The following TRPM3 variants were observed in gnomAD, a reference collection of about 807,000 sequenced individuals.
The protein encoded by TRPM3 is long transient receptor potential channel 3.
In TRPM3, 77 loss-of-function variants were observed where a neutral mutation model predicts 181.2. That is an observed-to-expected ratio of 0.42 (90% CI 0.35 to 0.51). The LOEUF is 0.51. Ranked by LOEUF, TRPM3 falls within the 20% of genes least tolerant of loss-of-function variation. The pLI, the probability that TRPM3 is intolerant of heterozygous loss-of-function variation, is 0.01. For synonymous variants in TRPM3, 745 were observed against 796.4 expected, an observed-to-expected ratio of 0.94 and a Z score of 1.09; for missense variants, 1,759 against 2,196.7, an observed-to-expected ratio of 0.80 and a Z score of 3.98.
At chr9:71,178,350 A>C (rs1407611913) in intron 1 of TRPM3, among the ~76,000 whole-genome samples, 2 of 151,978 alleles carry the variant, frequency 1.3e-5, no homozygotes, top group African/African-American at 4.8e-5. Context: ...ATCTGAATAG[A>C]GTAAGTAATA....
intron 11 of TRPM3, among the ~76,000 whole-genome samples, chr9:70,638,526 A>C (rs2057567083): frequency 6.6e-6 from 1 of 152,208 alleles, no homozygotes; most frequent in East Asian, 1.9e-4. Flanking sequence ...ATCCCTAGTG[A>C]GTAAATTAAC....
At chr9:71,098,645 A>G (rs1302309186) in intron 1 of TRPM3, among the ~76,000 whole-genome samples, 1 of 152,180 alleles carries the variant, frequency 6.6e-6, no homozygotes, top group Non-Finnish European at 1.5e-5. Flanking sequence ...GACCAGTTAC[A>G]TTCTTTTCAG....
At chr9:71,110,875 C>T (rs988751803) in intron 1 of TRPM3, among the ~76,000 whole-genome samples, 2 of 152,116 alleles carry the variant, frequency 1.3e-5, no homozygotes, top group African/African-American at 4.8e-5. Flanking sequence ...TCTTTGAATG[C>T]TCACATGAGC....
At chr9:70,875,624 G>C (rs2095857217) in intron 1 of TRPM3, among the ~76,000 whole-genome samples, 1 of 151,934 alleles carries the variant, frequency 6.6e-6, no homozygotes, top group South Asian at 2.1e-4. Context: ...CTGCCATAGA[G>C]AGAATTTCCA....
At chr9:71,034,544 G>T (rs2057945461) in intron 1 of TRPM3, among the ~76,000 whole-genome samples, 2 of 152,152 alleles carry the variant, frequency 1.3e-5, no homozygotes, top group South Asian at 2.1e-4. Flanking sequence ...TAGGGTGTAA[G>T]GGTGGGGTGT....
chr9:70,849,658 C>T lies in TRPM3; in HGVS notation c.463-3067G>A, dbSNP rs116979767. ...AATACAGCATATAAATGAATGGTAA[C>T]AATTAGAGTTATGGCATTCTAAAGC... On this transcript the variant is annotated intron_variant, in intron 3 of 25. Transcript: ENST00000677713. Among the ~76,000 whole-genome samples the T allele has an allele frequency of 4.4e-3, 669 of 152,076 alleles. 42 individuals are homozygous for T. In the East Asian group the frequency reaches 0.11, roughly 25 times the overall value.
chr9:70,869,198 G>A (rs2095731057), intron 1 of TRPM3: 1 of 265,848 alleles, frequency 3.8e-6, no homozygotes, highest in Non-Finnish European at 5.8e-6. Flanking sequence ...TGCTGCTTCG[G>A]GATTAGCCTC....
intron 1 of TRPM3, among the ~76,000 whole-genome samples, chr9:71,317,705 G>A (rs191580152): frequency 3.2e-4 from 49 of 151,454 alleles, no homozygotes; most frequent in Non-Finnish European, 6.3e-4. Flanking sequence ...GCGCACACGC[G>A]CGAGAGAGAA....
chr9:70,933,418 A>G (rs185032773), intron 1 of TRPM3, among the ~76,000 whole-genome samples: 157 of 152,314 alleles, frequency 1.0e-3, no homozygotes, highest in Non-Finnish European at 1.9e-3. Flanking sequence ...GTATCCAGAG[A>G]ACTGGGAAGA....
At chr9:70,939,440 G>A (rs967358197) in intron 1 of TRPM3, among the ~76,000 whole-genome samples, 5 of 152,100 alleles carry the variant, frequency 3.3e-5, no homozygotes, top group African/African-American at 1.2e-4. Context: ...CGGCAGTACG[G>A]CGAATATTAG....
chr9:71,415,024 G>A (rs1202360783), intron 1 of TRPM3, among the ~76,000 whole-genome samples: 1 of 152,046 alleles, frequency 6.6e-6, no homozygotes, highest in Non-Finnish European at 1.5e-5. Context: ...CTTGAGATGG[G>A]AAGATTTTCC....
chr9:71,089,994 G>A (rs937546212), intron 1 of TRPM3, among the ~76,000 whole-genome samples: 1 of 152,170 alleles, frequency 6.6e-6, no homozygotes, highest in African/African-American at 2.4e-5. Flanking sequence ...AATGTTTTAA[G>A]AAAGTTTACG....
At chr9:71,311,750 G>A (rs534365631) in intron 1 of TRPM3, among the ~76,000 whole-genome samples, 2 of 151,362 alleles carry the variant, frequency 1.3e-5, no homozygotes, top group Non-Finnish European at 1.5e-5. Context: ...AATTGTCTTG[G>A]GCCACATATC....
At chr9:70,828,789 T>C (rs1231301769) in intron 5 of TRPM3, among the ~76,000 whole-genome samples, 3 of 151,636 alleles carry the variant, frequency 2.0e-5, no homozygotes, top group African/African-American at 4.8e-5. Flanking sequence ...GCGACGATCC[T>C]GCAAAATAGA....
At chr9:71,177,800 C>T (rs1209842629) in intron 1 of TRPM3, among the ~76,000 whole-genome samples, 2 of 151,940 alleles carry the variant, frequency 1.3e-5, no homozygotes, top group Non-Finnish European at 2.9e-5. Flanking sequence ...GGTTTTTAGT[C>T]TCTTGGAGCG....
chr9:71,088,314 A>G (rs2065636309), intron 1 of TRPM3, among the ~76,000 whole-genome samples: 1 of 152,130 alleles, frequency 6.6e-6, no homozygotes, highest in Non-Finnish European at 1.5e-5. Flanking sequence ...TGACTGGGGC[A>G]TTTGCAGATG....
In TRPM3 at chr9:71,445,951, G is replaced by A. The variant is rs953531931; in HGVS notation, c.183+702C>T. Among the ~76,000 whole-genome samples the A allele has an allele frequency of 2.0e-5, 3 of 152,312 alleles. 1 individual carries two copies. The South Asian group carries it at 6.2e-4, about 32-fold the overall frequency. ...AACATAATATTCACATACTCAAAAT[G>A]CAAATGCAGCTAAAGTTTTTTATCA... On this transcript the variant is annotated intron_variant, in intron 1 of 24. Coordinates refer to the TRPM3 transcript ENST00000357533.
intron 22 of TRPM3, among the ~76,000 whole-genome samples, chr9:70,589,532 T>C (rs1174422553): frequency 6.6e-6 from 1 of 152,182 alleles, no homozygotes; most frequent in Non-Finnish European, 1.5e-5. Context: ...AGGAAAATGG[T>C]CATAGGTGGG....
intron 1 of TRPM3, among the ~76,000 whole-genome samples, chr9:71,407,203 C>T (rs973914543): frequency 6.6e-6 from 1 of 152,064 alleles, no homozygotes; most frequent in African/African-American, 2.4e-5. Flanking sequence ...ACTGAGGTAC[C>T]GGGTTCATCT....
Sources: allele counts gnomAD v4.1 joint callset (sites outside exome capture counted in the v4.1 genomes callset), GRCh38; gene constraint gnomAD v4.1.1; transcripts MANE v1.5; gene names NCBI Gene and HGNC (gene_info 2026-07-23, HGNC 2026-07-21).